The following PCDHGB1 variants were observed in gnomAD, a reference collection of about 807,000 sequenced individuals.
PCDHGB1 encodes the protein protocadherin gamma subfamily B, 1, also known as protocadherin gamma-B1.
PCDHGB1 carries 34 observed loss-of-function variants against 56.6 expected under a neutral mutation model. That is an observed-to-expected ratio of 0.60 (90% CI 0.46 to 0.80). The LOEUF (loss-of-function observed/expected upper bound fraction) is 0.80. Ranked by LOEUF, PCDHGB1 falls within the 30% of genes least tolerant of loss-of-function variation. The pLI is 0.00. For missense variants in PCDHGB1, 1,278 were observed against 1,204.6 expected, an observed-to-expected ratio of 1.06 and a Z score of -0.90; for synonymous variants, 561 against 505.9, an observed-to-expected ratio of 1.11 and a Z score of -1.46.
chr5:141,496,959 G>C (rs1451127360), intron 2 of PCDHGB1, among the ~76,000 whole-genome samples: 2 of 151,894 alleles, frequency 1.3e-5, no homozygotes, highest in Non-Finnish European at 2.9e-5. Flanking sequence ...GCCAAGGTGG[G>C]TAGATCACTT....
rs750139205 is a variant in PCDHGB1 at position 141,489,738 on chromosome 5, T to C, written c.2410-5069T>C. Reference sequence around the variant, plus strand: ...AGGATCCGGATGTGGGCACCAATACTGTGAGCTTTTACACTCTAAGCCCCA... The same window carrying C: ...AGGATCCGGATGTGGGCACCAATACCGTGAGCTTTTACACTCTAAGCCCCA... On this transcript the variant is annotated intron_variant, in intron 1 of 3. Coordinates refer to ENST00000523390, the MANE Select transcript of PCDHGB1 (RefSeq NM_018922.3). This position sits in a 1 kb window ranked among gnomAD's most constrained non-coding sequence, Gnocchi z 4.5. 1 of 1,614,168 alleles carries C rather than the reference T, an allele frequency of 6.2e-7. No individual in the cohort carries two copies. Among genetic ancestry groups the C allele is most frequent in the Non-Finnish European group, 8.5e-7 (1 of 1,180,030 alleles).
chr5:141,400,050 T>C (rs2093950243), intron 1 of PCDHGB1: 2 of 1,613,616 alleles, frequency 1.2e-6, no homozygotes, highest in Non-Finnish European at 1.7e-6. Flanking sequence ...TGCTGGTTGC[T>C]GTGCGTGATG....
chr5:141,510,893 G>C (rs1334514746), intron 3 of PCDHGB1, 54 bp from the exon 4 acceptor site: 1 of 1,612,722 alleles, frequency 6.2e-7, no homozygotes, highest in African/African-American at 1.3e-5. Context: ...ATAAGACAGT[G>C]ACTGTTGAGG....
Position 141,477,912 on chromosome 5 carries a change from A to T in PCDHGB1, c.2410-16895A>T. The T allele has an allele frequency of 6.2e-7, 1 of 1,614,166 alleles. No individual in the cohort carries two copies. Among genetic ancestry groups the T allele is most frequent in the Non-Finnish European group, 8.5e-7 (1 of 1,180,022 alleles). ...TCACGGGTGGTAGGCTGGGACGCGGATGCAGGGCACAATGCCTGGCTCTCC... is the reference window on the plus strand; with the variant it reads ...TCACGGGTGGTAGGCTGGGACGCGGTTGCAGGGCACAATGCCTGGCTCTCC... On this transcript the variant is annotated intron_variant, in intron 1 of 3. Coordinates refer to ENST00000523390, the MANE Select transcript of PCDHGB1 (RefSeq NM_018922.3). This position sits in a 1 kb window ranked among gnomAD's most constrained non-coding sequence, Gnocchi z 4.9.
At chr5:141,427,584 A>G in intron 1 of PCDHGB1, 1 of 674,672 alleles carries the variant, frequency 1.5e-6, no homozygotes, top group Non-Finnish European at 2.7e-6. Context: ...CTCATCCAGC[A>G]CAAGCCTCAC....
At chr5:141,417,937 C>T (rs571233315) in intron 1 of PCDHGB1, 2 of 1,612,530 alleles carry the variant, frequency 1.2e-6, no homozygotes, top group South Asian at 1.1e-5. Context: ...CTTTGTTCTA[C>T]CCCACGCTGT....
At position 141,477,290 on chromosome 5, in the gene PCDHGB1, C is replaced by T; in HGVS notation, c.2410-17517C>T. 5 of 1,614,158 alleles carry T rather than the reference C, an allele frequency of 3.1e-6. No individual in the cohort carries two copies. In the South Asian group the frequency reaches 5.5e-5, roughly 18 times the overall value. On this transcript the variant is annotated intron_variant, in intron 1 of 3. Coordinates refer to ENST00000523390, the MANE Select transcript of PCDHGB1 (RefSeq NM_018922.3). The surrounding 1 kb of genome is among the most constrained non-coding windows in gnomAD (Gnocchi z 4.9). ...GAACGGGCTGGTGACCTGCGAAGTT[C>T]CACCGGGTCTCCCTTTCAGCCTTAC...
chr5:141,403,685 C>T, intron 1 of PCDHGB1: 4 of 1,613,822 alleles, frequency 2.5e-6, no homozygotes, highest in Non-Finnish European at 3.4e-6. Flanking sequence ...TTTTGCTCAA[C>T]GGATTTACCG....
At chr5:141,471,590 T>C (rs2099260583) in intron 1 of PCDHGB1, 1 of 152,120 alleles carries the variant, frequency 6.6e-6, no homozygotes. Flanking sequence ...AAGTAATTGA[T>C]AGTTTCAAAA....
chr5:141,413,417 T>A (rs777399697), intron 1 of PCDHGB1: 1 of 1,614,086 alleles, frequency 6.2e-7, no homozygotes, highest in Non-Finnish European at 8.5e-7. Context: ...CTTTTCTCTC[T>A]GAACCCGCGC....
Position 141,489,652 on chromosome 5 carries a change from C to T in PCDHGB1, c.2410-5155C>T, listed in dbSNP as rs767143028. The T allele has an allele frequency of 3.1e-6, 5 of 1,614,024 alleles. No individual in the cohort carries two copies. Among genetic ancestry groups the T allele is most frequent in the Non-Finnish European group, 4.2e-6 (5 of 1,180,026 alleles). ...CTCTCCTAGCTTTGCCACCCCTGAG[C>T]GAGAGATGCGCATCTCAGAATCAGC... On this transcript the variant is annotated intron_variant, in intron 1 of 3. Coordinates refer to ENST00000523390, the MANE Select transcript of PCDHGB1 (RefSeq NM_018922.3). The surrounding 1 kb of genome is among the most constrained non-coding windows in gnomAD (Gnocchi z 4.5).
intron 1 of PCDHGB1, among the ~76,000 whole-genome samples, chr5:141,465,911 A>G (rs540115471): frequency 6.6e-6 from 1 of 152,260 alleles, no homozygotes; most frequent in East Asian, 1.9e-4. Context: ...TCACGAGGTC[A>G]GGATTTCGAG....
In PCDHGB1 at chr5:141,477,982, G is replaced by A; in HGVS notation, c.2410-16825G>A. ...CTAACCAGAGCCTTTTTGCCATAGG[G>A]CTGCACACTGGTCAAATCAGTACTG... is the stretch of plus-strand genomic sequence containing the variant. On this transcript the variant is annotated intron_variant, in intron 1 of 3. Transcript: ENST00000523390. The surrounding 1 kb of genome is among the most constrained non-coding windows in gnomAD (Gnocchi z 4.9). 6.2e-7 allele frequency: 1 copy of A among 1,614,066 alleles called. No individual in the cohort carries two copies. Among genetic ancestry groups the A allele is most frequent in the Non-Finnish European group, 8.5e-7 (1 of 1,180,014 alleles).
chr5:141,391,176 T>C (rs562307508), intron 1 of PCDHGB1: 1 of 152,322 alleles, frequency 6.6e-6, no homozygotes, highest in African/African-American at 2.4e-5. Context: ...ACTGCCAATC[T>C]GGTGTGCATA....
Position 141,351,138 on chromosome 5 carries a change from A to G in PCDHGB1, c.878A>G (p.Asn293Ser), listed in dbSNP as rs1414604500. The G allele has an allele frequency of 1.9e-6, 3 of 1,614,024 alleles. No individual in the cohort carries two copies. Among genetic ancestry groups the G allele is most frequent in the East Asian group, 2.2e-5 (1 of 44,876 alleles). ...ACCAGCCTCTTCAATCTCAATCCAA[A>G]TACTGGCGACATCACAACCAATGGC... The part of the protein sequence containing the change: ...ISTSLFNLNP[N>S]TGDITTNGTL... Residue 293 changes from asparagine (N) to serine (S), a missense_variant, in exon 1 of 4, where the codon AAT becomes AGT. Transcript: ENST00000523390.
At chr5:141,404,771 C>A in intron 1 of PCDHGB1, 2 of 1,613,870 alleles carry the variant, frequency 1.2e-6, no homozygotes, top group African/African-American at 1.3e-5. Context: ...GCTCTCCTAC[C>A]GCCTATTCAA....
intron 1 of PCDHGB1, chr5:141,430,959 T>A: frequency 6.2e-7 from 1 of 1,612,026 alleles, no homozygotes; most frequent in Non-Finnish European, 8.5e-7. Flanking sequence ...GTCCGCATCA[T>A]CCCCAGAGGT....
chr5:141,393,072 G>A (rs2092669892), intron 1 of PCDHGB1: 1 of 1,613,680 alleles, frequency 6.2e-7, no homozygotes. Flanking sequence ...CTTGATCACC[G>A]CGGGCAGGAT....
rs376996144 is a variant in PCDHGB1, at chr5:141,491,534, G to C, written c.2410-3273G>C. 3.7e-6 allele frequency: 6 copies of C among 1,613,912 alleles called. No homozygotes were observed. The highest frequency in any genetic ancestry group is 1.3e-5 in the African/African-American group (1 of 74,928). ...CTCAAGTACATGGAGGTGACGCTGC[G>C]GCCCACAGACTCGCAGAGCCACTGC... On this transcript the variant is annotated intron_variant, in intron 1 of 3. Coordinates refer to ENST00000523390, the MANE Select transcript of PCDHGB1 (RefSeq NM_018922.3). This position sits in a 1 kb window ranked among gnomAD's most constrained non-coding sequence, Gnocchi z 6.9.
Sources: allele counts gnomAD v4.1 joint callset (sites outside exome capture counted in the v4.1 genomes callset), GRCh38; gene constraint gnomAD v4.1.1; non-coding constraint Gnocchi (gnomAD v3.1); transcripts MANE v1.5; gene names NCBI Gene and HGNC (gene_info 2026-07-23, HGNC 2026-07-21).